The following PACS2 variants were observed in gnomAD, a reference collection of about 807,000 sequenced individuals.
PACS2 encodes phosphofurin acidic cluster sorting protein 2.
Under a neutral mutation model 113.0 loss-of-function variants are expected in PACS2, and 36 were observed. That is an observed-to-expected ratio of 0.32 (90% confidence interval 0.24 to 0.42). PACS2 has a LOEUF of 0.42. Ranked by LOEUF, PACS2 falls within the 10% of genes least tolerant of loss-of-function variation. The pLI, the probability that PACS2 is intolerant of heterozygous loss-of-function variation, is 1.00. For synonymous variants in PACS2, 589 were observed against 536.1 expected, an observed-to-expected ratio of 1.10 and a Z score of -1.36; for missense variants, 1,015 against 1,239.5, an observed-to-expected ratio of 0.82 and a Z score of 2.72.
intron 1 of PACS2, among the ~76,000 whole-genome samples, chr14:105,318,235 G>A (rs1004232119): frequency 2.4e-4 from 37 of 152,038 alleles, no homozygotes; most frequent in African/African-American, 8.9e-4. Context: ...CTCTCACCTC[G>A]GCCTCCCGAA....
In PACS2 at chr14:105,369,870, G is replaced by A. The variant is rs1042739588; in HGVS notation, c.771G>A (p.Ala257=). Residue 257 remains alanine (A), a synonymous_variant, in exon 8 of 25, where the codon GCG becomes GCA. Coordinates refer to ENST00000447393, the MANE Select transcript of PACS2 (RefSeq NM_001100913.3). The part of the protein sequence containing the change: ...RQQNFKQKVV[A]LLRRFKVSDE... ...AGAACTTCAAGCAGAAAGTGGTAGC[G>A]CTGCTGCGGAGGTTCAAAGTGTCCG... The A allele has an allele frequency of 4.4e-6, 7 of 1,604,282 alleles. No individual in the cohort carries two copies. The highest frequency in any genetic ancestry group is 1.6e-4 in the Middle Eastern group (1 of 6,076).
chr14:105,333,731 C>T lies in PACS2; in HGVS notation c.120-14762C>T, dbSNP rs587764698. ...TTTGGCAAAGCAGCCCAAAGGTCCACACAGACCCAGGGCTGGCAACCGGCC... is the reference window on the plus strand; with the variant it reads ...TTTGGCAAAGCAGCCCAAAGGTCCATACAGACCCAGGGCTGGCAACCGGCC... On this transcript the variant is annotated intron_variant, in intron 1 of 24. Coordinates refer to ENST00000447393, the MANE Select transcript of PACS2 (RefSeq NM_001100913.3). Among the ~76,000 whole-genome samples, 4 of 152,350 alleles carry T rather than the reference C, an allele frequency of 2.6e-5. No individual in the cohort carries two copies. The South Asian group carries it at 6.2e-4, about 24-fold the overall frequency.
intron 20 of PACS2, 148 bp downstream of exon 20, chr14:105,390,151 C>G: frequency 1.3e-6 from 1 of 776,762 alleles, no homozygotes; most frequent in Non-Finnish European, 2.3e-6. Context: ...TGGCCTGTCT[C>G]AAAGCTCGCT....
At chr14:105,372,882 A>C (rs947591758) in intron 8 of PACS2, 2 of 152,324 alleles carry the variant, frequency 1.3e-5, no homozygotes, top group East Asian at 3.9e-4. Context: ...AGCCTGGGTG[A>C]CAGAGCGAGA....
intron 8 of PACS2, chr14:105,373,047 C>T (rs782158980): frequency 6.6e-6 from 1 of 152,130 alleles, no homozygotes; most frequent in Non-Finnish European, 1.5e-5. Flanking sequence ...AAGACTCATA[C>T]AGTGAAACTA....
chr14:105,379,732 G>A lies in PACS2; in HGVS notation c.960-7G>A. Reference sequence around the variant, plus strand: ...AACGTGTCCCCCACCCCTGTTCCCTGAGCCAGGCCATACTTTGAAGGCCTG... The same window carrying A: ...AACGTGTCCCCCACCCCTGTTCCCTAAGCCAGGCCATACTTTGAAGGCCTG... On this transcript the variant is annotated splice_region_variant and splice_polypyrimidine_tract_variant and intron_variant, in intron 9 of 24. Coordinates refer to ENST00000447393, the MANE Select transcript of PACS2 (RefSeq NM_001100913.3). 6.2e-7 allele frequency: 1 copy of A among 1,612,896 alleles called. No individual in the cohort carries two copies. The highest frequency in any genetic ancestry group is 8.5e-7 in the Non-Finnish European group (1 of 1,179,162).
chr14:105,377,998 C>T (rs782556787), intron 9 of PACS2, among the ~76,000 whole-genome samples: 8 of 152,184 alleles, frequency 5.3e-5, no homozygotes, highest in Non-Finnish European at 1.0e-4. Context: ...GCCTGGTGGC[C>T]GTTGGTCATT....
intron 1 of PACS2, among the ~76,000 whole-genome samples, chr14:105,318,825 AT>A (rs1208284276): frequency 3.3e-5 from 5 of 149,816 alleles, no homozygotes; most frequent in Non-Finnish European, 5.9e-5. Context: ...CGCCCGGCTA[AT>A]TTTTTTTATA....
intron 2 of PACS2, among the ~76,000 whole-genome samples, chr14:105,350,606 T>G (rs2060133453): frequency 6.6e-6 from 1 of 152,052 alleles, no homozygotes; most frequent in Non-Finnish European, 1.5e-5. Context: ...TCTTGGGGTG[T>G]CCTCTCCGCC....
intron 1 of PACS2, among the ~76,000 whole-genome samples, chr14:105,325,264 C>T (rs1234989281): frequency 1.3e-5 from 2 of 152,050 alleles, no homozygotes; most frequent in African/African-American, 2.4e-5. Context: ...GGTAGCGGCT[C>T]TCTTCAGGGG....
chr14:105,381,848 C>A, intron 12 of PACS2, 66 bp from the exon 13 acceptor site: 2 of 1,435,710 alleles, frequency 1.4e-6, no homozygotes, highest in Non-Finnish European at 1.9e-6. Flanking sequence ...GCAGGCCTGC[C>A]CCTGCCTCTG....
At chr14:105,349,071 G>A (rs756353356) in intron 2 of PACS2, among the ~76,000 whole-genome samples, 2 of 152,208 alleles carry the variant, frequency 1.3e-5, no homozygotes, top group Non-Finnish European at 1.5e-5. Context: ...AACAAGTAGC[G>A]GTTCCAGAGG....
intron 2 of PACS2, 33 bp from the exon 3 acceptor site, chr14:105,352,345 C>T: frequency 3.5e-6 from 5 of 1,418,064 alleles, no homozygotes; most frequent in Non-Finnish European, 4.0e-6. Flanking sequence ...ATATGCAGTC[C>T]TTTGAGCTAG....
Position 105,382,121 on chromosome 14 carries a change from G to A in PACS2, c.1413+63G>A, listed in dbSNP as rs1398398137. The A allele has an allele frequency of 1.2e-5, 18 of 1,485,192 alleles. No homozygotes were observed. The East Asian group carries it at 4.0e-4, about 33-fold the overall frequency. The allele number at this position is 1,485,192 out of a possible 1,614,324, so 92.0% of individuals were successfully genotyped here. On this transcript the variant is annotated intron_variant, in intron 13 of 24. Coordinates refer to ENST00000447393, the MANE Select transcript of PACS2 (RefSeq NM_001100913.3). The stretch of plus-strand genomic sequence containing the variant: ...CTCGTGGTCACCCTGGCACCAACCA[G>A]AGCAGGGCAAAAAGAGAAGCACAGG...
upstream of PACS2, among the ~76,000 whole-genome samples, chr14:105,309,776 C>CTTTT (rs928875653): frequency 3.4e-5 from 3 of 89,212 alleles, no homozygotes; most frequent in African/African-American, 5.2e-5. The surrounding 1 kb of genome is among the most constrained non-coding windows in gnomAD (Gnocchi z 4.0). Flanking sequence ...TGATGTGTGT[C>CTTTT]TTTTTTTTTT....
intron 4 of PACS2, among the ~76,000 whole-genome samples, chr14:105,364,920 A>G (rs1387793677): frequency 6.6e-6 from 1 of 151,238 alleles, no homozygotes; most frequent in African/African-American, 2.4e-5. Flanking sequence ...CTGGTCTCAA[A>G]CTCCTGAGCT....
chr14:105,391,500 G>A (rs587595989), intron 21 of PACS2, 131 bp from the exon 22 acceptor site: 4 of 773,786 alleles, frequency 5.2e-6, no homozygotes, highest in African/African-American at 3.5e-5. Flanking sequence ...TCTCTCACAG[G>A]CCACTGGGGA....
At chr14:105,385,075 C>G (rs1025086301) in intron 18 of PACS2, 88 bp downstream of exon 18, 2 of 870,148 alleles carry the variant, frequency 2.3e-6, no homozygotes, top group Admixed American at 2.0e-5. Flanking sequence ...TGGGCTTGGC[C>G]TGGTGGGCCG....
At chr14:105,394,368 C>T (rs2081474784) in intron 24 of PACS2, 186 bp from the exon 25 acceptor site, 1 of 985,264 alleles carries the variant, frequency 1.0e-6, no homozygotes, top group Non-Finnish European at 1.2e-6. Context: ...GGAATGGCGT[C>T]CCTCAGGAGC....
Sources: gnomAD v4.1 joint callset for allele counts (sites outside exome capture counted in the v4.1 genomes callset) on GRCh38, gnomAD v4.1.1 for gene constraint, Gnocchi (gnomAD v3.1) non-coding constraint, MANE v1.5 for transcripts, NCBI Gene and HGNC (gene_info 2026-07-23, HGNC 2026-07-21) for gene names.